PLA2G4A: variants seen among roughly 807,000 people sequenced by gnomAD.
The protein encoded by PLA2G4A is cytosolic phospholipase A2.
A neutral mutation model predicts 81.9 loss-of-function variants in PLA2G4A; 40 were observed. The observed-to-expected ratio is 0.49, with a 90% CI of 0.38 to 0.64. The LOEUF (loss-of-function observed/expected upper bound fraction) is 0.64, where lower values mean the gene tolerates loss of function less well. Ranked by LOEUF, PLA2G4A falls within the 30% of genes least tolerant of loss-of-function variation. PLA2G4A has a pLI of 0.00. For synonymous variants in PLA2G4A, 302 were observed against 296.9 expected (o/e 1.02, Z -0.18); for missense variants, 715 against 905.1 (o/e 0.79, Z 2.69).
At chr1:186,965,640 C>T in intron 15 of PLA2G4A, 47 bp downstream of exon 15, 1 of 1,341,680 alleles carries the variant, frequency 7.5e-7, no homozygotes, top group South Asian at 1.2e-5. Flanking sequence ...CATTCTCTTG[C>T]TTGCCTTATA....
At chr1:186,854,455 G>T in intron 2 of PLA2G4A, 68 bp downstream of exon 2, 1 of 1,000,078 alleles carries the variant, frequency 1.0e-6, no homozygotes, top group Admixed American at 1.7e-5. Context: ...AATATTGCGG[G>T]TGTTGCTAGT....
chr1:186,936,238 T>G (rs1655938771), intron 8 of PLA2G4A, among the ~76,000 whole-genome samples: 1 of 151,932 alleles, frequency 6.6e-6, no homozygotes, highest in African/African-American at 2.4e-5. Context: ...AATTTTCAGT[T>G]TAACAGTACA....
At chr1:186,906,732 G>A (rs1654751059) in intron 5 of PLA2G4A, among the ~76,000 whole-genome samples, 1 of 152,128 alleles carries the variant, frequency 6.6e-6, no homozygotes, top group African/African-American at 2.4e-5. Flanking sequence ...GATAATTCTT[G>A]TGTTTGCTAA....
intron 1 of PLA2G4A, among the ~76,000 whole-genome samples, chr1:186,833,479 A>T (rs1651671484): frequency 2.0e-5 from 3 of 152,150 alleles, no homozygotes; most frequent in Non-Finnish European, 4.4e-5. Context: ...AGTTCTGGCC[A>T]ACTCTTTGTC....
intron 17 of PLA2G4A, among the ~76,000 whole-genome samples, chr1:186,985,083 C>T (rs754928080): frequency 4.6e-5 from 7 of 152,166 alleles, no homozygotes; most frequent in Non-Finnish European, 8.8e-5. Context: ...CCAAACACAG[C>T]CTTCATTCTA....
intron 1 of PLA2G4A, among the ~76,000 whole-genome samples, chr1:186,848,821 A>C (rs1229302264): frequency 6.6e-6 from 1 of 152,048 alleles, no homozygotes. Context: ...TAGCTATCTT[A>C]AGCATATTTC....
chr1:186,858,593 G>A (rs1652679294), intron 2 of PLA2G4A, among the ~76,000 whole-genome samples: 1 of 152,004 alleles, frequency 6.6e-6, no homozygotes, highest in African/African-American at 2.4e-5. Context: ...GAATGGCAGA[G>A]TATATTTAAA....
intron 13 of PLA2G4A, 92 bp downstream of exon 13, chr1:186,950,820 TCTTCA>T: frequency 1.3e-6 from 1 of 761,098 alleles, no homozygotes; most frequent in Non-Finnish European, 2.4e-6. Context: ...CTGATGGTAA[TCTTCA>T]CTTCAGACAC....
intron 2 of PLA2G4A, among the ~76,000 whole-genome samples, chr1:186,861,747 C>G (rs886418178): frequency 6.6e-6 from 1 of 151,972 alleles, no homozygotes; most frequent in African/African-American, 2.4e-5. Context: ...TGGATTTGTG[C>G]CAGGGAACCC....
chr1:186,918,445 C>A lies in PLA2G4A; in HGVS notation c.558+7056C>A, dbSNP rs184113670. Among the ~76,000 whole-genome samples the A allele has an allele frequency of 3.1e-3, 465 of 152,142 alleles. 4 individuals carry two copies. The highest frequency in any genetic ancestry group is 0.027 in the South Asian group (130 of 4,812). On this transcript the variant is annotated intron_variant, in intron 7 of 17. Transcript: ENST00000367466. ...GTCAGTGTAGATGTTTACAGTCTTA[C>A]CTTCACTGAGTTCTACAGCCCGAGT...
chr1:186,898,568 T>C (rs1033259493), intron 5 of PLA2G4A, among the ~76,000 whole-genome samples: 2 of 152,198 alleles, frequency 1.3e-5, no homozygotes, highest in African/African-American at 2.4e-5. Context: ...AATAAAGGTA[T>C]GCAACAGAAA....
At chr1:186,904,767 T>C (rs1371524962) in intron 5 of PLA2G4A, among the ~76,000 whole-genome samples, 1 of 152,224 alleles carries the variant, frequency 6.6e-6, no homozygotes, top group Non-Finnish European at 1.5e-5. Flanking sequence ...TGTGTGCTAA[T>C]GGAGAAGACA....
At chr1:186,871,178 C>T (rs2102060593) in intron 3 of PLA2G4A, among the ~76,000 whole-genome samples, 1 of 152,220 alleles carries the variant, frequency 6.6e-6, no homozygotes, top group Middle Eastern at 3.4e-3. Flanking sequence ...ATAGGACAGC[C>T]TGAAATGATG....
chr1:186,865,249 A>G (rs972807957), intron 2 of PLA2G4A, among the ~76,000 whole-genome samples: 2 of 151,848 alleles, frequency 1.3e-5, no homozygotes, highest in African/African-American at 4.8e-5. Context: ...TTATGTTCCA[A>G]ATTAGGTGTT....
At position 186,946,880 on chromosome 1, in the gene PLA2G4A, A is replaced by C; in HGVS notation, c.1183A>C (p.Ser395Arg). 6.2e-7 allele frequency: 1 copy of C among 1,611,750 alleles called. No homozygotes were observed. The highest frequency in any genetic ancestry group is 8.5e-7 in the Non-Finnish European group (1 of 1,177,988). ...PLHFLMGVWG[S>R]AFSILFNRVL... Reference sequence around the variant, plus strand: ...CTGTTTTATTTTAGGTGTCTGGGGCAGTGCCTTTTCCATATTGTTCAACAG... The same window carrying C: ...CTGTTTTATTTTAGGTGTCTGGGGCCGTGCCTTTTCCATATTGTTCAACAG... Residue 395 changes from serine (S) to arginine (R), a missense_variant, in exon 12 of 18, where the codon AGT becomes CGT. By Grantham distance (110) the Ser-to-Arg change is moderately radical. Transcript: ENST00000367466.
chr1:186,928,478 C>A (rs1183314619), intron 7 of PLA2G4A, among the ~76,000 whole-genome samples: 1 of 152,178 alleles, frequency 6.6e-6, no homozygotes, highest in Non-Finnish European at 1.5e-5. Flanking sequence ...CTCCAGCAGA[C>A]TTCCCTTGGG....
chr1:186,928,522 A>G (rs1655631118), intron 7 of PLA2G4A, among the ~76,000 whole-genome samples: 1 of 152,152 alleles, frequency 6.6e-6, no homozygotes, highest in Admixed American at 6.5e-5. Flanking sequence ...CTGGGTATGA[A>G]GCTCGCCAGC....
chr1:186,946,535 A>T, intron 10 of PLA2G4A, 102 bp from the exon 11 acceptor site: 1 of 846,408 alleles, frequency 1.2e-6, no homozygotes, highest in East Asian at 2.5e-5. Context: ...TAAATACATG[A>T]ATGAGAATAA....
intron 7 of PLA2G4A, 30 bp from the exon 8 acceptor site, chr1:186,932,733 T>C (rs1173413931): frequency 6.2e-6 from 10 of 1,606,376 alleles, no homozygotes; most frequent in Non-Finnish European, 8.5e-6. Flanking sequence ...TTTTACTTTG[T>C]GTACAAATCT....
Sources: gnomAD v4.1 joint callset for allele counts (sites outside exome capture counted in the v4.1 genomes callset) on GRCh38, gnomAD v4.1.1 for gene constraint, MANE v1.5 for transcripts, NCBI Gene and HGNC (gene_info 2026-07-23, HGNC 2026-07-21) for gene names.